Variants in TUBB6 observed in about 807,000 individuals in gnomAD.
The protein encoded by TUBB6 is tubulin beta-6 chain.
A neutral mutation model predicts 32.3 loss-of-function variants in TUBB6; 18 were observed. The observed-to-expected ratio is 0.56, with a 90% CI of 0.39 to 0.83. TUBB6 has a LOEUF of 0.83. TUBB6 is among the 40% of genes least tolerant of loss of function. The pLI, the probability that TUBB6 is intolerant of heterozygous loss-of-function variation, is 0.00. For synonymous variants in TUBB6, 280 were observed against 265.8 expected, an observed-to-expected ratio of 1.05 and a Z score of -0.52; for missense variants, 480 against 632.0, an observed-to-expected ratio of 0.76 and a Z score of 2.58.
chr18:12,326,699 C>T (rs1022569141), downstream of TUBB6: 1 of 154,512 alleles, frequency 6.5e-6, no homozygotes, highest in African/African-American at 2.4e-5. Context: ...GGAAAGGGCT[C>T]TTCTTTAAAT....
In TUBB6 at chr18:12,311,073, C is replaced by T. The variant is rs777456585; in HGVS notation, c.277+20C>T. ...TCTTTGGTAGGTTCCATCTTTCTCACTTTCTTCTTCTTCTTTTATTTTTTT... is the reference window on the plus strand; with the variant it reads ...TCTTTGGTAGGTTCCATCTTTCTCATTTTCTTCTTCTTCTTTTATTTTTTT... On this transcript the variant is annotated intron_variant, in intron 3 of 3. Transcript: ENST00000317702. 1.9e-6 allele frequency: 3 copies of T among 1,551,384 alleles called. No individual in the cohort carries two copies. In the South Asian group the frequency reaches 3.4e-5, roughly 18 times the overall value.
chr18:12,325,686 G>C lies in TUBB6; in HGVS notation c.897G>C (p.Met299Ile). 1 of 1,614,116 alleles carries C rather than the reference G, an allele frequency of 6.2e-7. No individual in the cohort carries two copies. The highest frequency in any genetic ancestry group is 8.5e-7 in the Non-Finnish European group (1 of 1,180,042). ...AGCAGATGTTCGACGCCAGGAACAT[G>C]ATGGCCGCCTGCGATCCGCGCCATG... The part of the protein sequence containing the change: ...LTQQMFDARN[M>I]MAACDPRHGR... The change falls in exon 4 of 4, where the codon ATG becomes ATC. Residue 299 changes from methionine to isoleucine, a missense_variant. Met to Ile is a conservative substitution (Grantham distance 10, BLOSUM62 1). Coordinates refer to ENST00000317702, the MANE Select transcript of TUBB6 (RefSeq NM_032525.3).
At chr18:12,313,805 G>A (rs1906519252) in intron 3 of TUBB6, among the ~76,000 whole-genome samples, 1 of 152,200 alleles carries the variant, frequency 6.6e-6, no homozygotes, top group Non-Finnish European at 1.5e-5. Context: ...AATCTGTTCT[G>A]CAGAAATGCT....
In TUBB6 at chr18:12,325,604, C is replaced by T. The variant is rs1907256978; in HGVS notation, c.815C>T (p.Pro272Leu). ...RLHFFMPGFA[P>L]LTSRGSQQYR... ...CACTTCTTCATGCCTGGCTTCGCGC[C>T]GCTCACCAGCCGCGGCAGCCAGCAG... The change falls in exon 4 of 4, where the codon CCG becomes CTG. Residue 272 changes from proline to leucine, a missense_variant. Pro to Leu is a moderately conservative substitution (Grantham distance 98). Coordinates refer to ENST00000317702, the MANE Select transcript of TUBB6 (RefSeq NM_032525.3). The T allele has an allele frequency of 8.7e-6, 14 of 1,613,812 alleles. No homozygotes were observed. Among genetic ancestry groups the T allele is most frequent in the Non-Finnish European group, 1.2e-5 (14 of 1,179,950 alleles).
chr18:12,318,097 G>A (rs1906768672), intron 3 of TUBB6, among the ~76,000 whole-genome samples: 1 of 152,026 alleles, frequency 6.6e-6, no homozygotes, highest in African/African-American at 2.4e-5. Flanking sequence ...TCAGTTGTTG[G>A]TTTCTGCTAT....
chr18:12,310,132 G>A (rs1312954033), intron 2 of TUBB6, among the ~76,000 whole-genome samples: 1 of 152,136 alleles, frequency 6.6e-6, no homozygotes, highest in Non-Finnish European at 1.5e-5. Flanking sequence ...GCCAGGTCAT[G>A]CCTGGACTCG....
At chr18:12,312,549 A>G (rs2144133242) in intron 3 of TUBB6, among the ~76,000 whole-genome samples, 1 of 152,324 alleles carries the variant, frequency 6.6e-6, no homozygotes, top group Middle Eastern at 3.4e-3. Flanking sequence ...CTAGTACAAA[A>G]TAAGTGTTTG....
chr18:12,325,015 T>G (rs753879455), intron 3 of TUBB6, 52 bp from the exon 4 acceptor site: 3 of 1,525,132 alleles, frequency 2.0e-6, no homozygotes, highest in African/African-American at 2.8e-5. Flanking sequence ...CCAAGCATGG[T>G]GATGGCGCAG....
chr18:12,326,316 G>A lies in TUBB6; in HGVS notation c.*186G>A, dbSNP rs1258339569. The A allele has an allele frequency of 1.1e-5, 10 of 902,810 alleles. No individual in the cohort carries two copies. The highest frequency in any genetic ancestry group is 8.1e-5 in the East Asian group (3 of 36,844). 55.9% of individuals were successfully genotyped at this position (902,810 alleles called of 1,614,324 possible). A position where few individuals can be genotyped will look rare whatever the true frequency, so the allele number is the denominator to read the frequency against. On this transcript the variant is annotated 3_prime_UTR_variant, in exon 4 of 4. Transcript: ENST00000317702. Reference sequence around the variant, plus strand: ...AAGACTAAAAACAGCAGAGAATTGCGGGTTCTACCCAGTCAGAAGATCACA... The same window carrying A: ...AAGACTAAAAACAGCAGAGAATTGCAGGTTCTACCCAGTCAGAAGATCACA...
intron 3 of TUBB6, 94 bp downstream of exon 3, chr18:12,311,147 A>G: frequency 8.9e-7 from 1 of 1,122,234 alleles, no homozygotes; most frequent in Non-Finnish European, 1.3e-6. Flanking sequence ...TGTCATAGAA[A>G]AAGTGTGAAT....
chr18:12,312,953 C>G (rs996536889), intron 3 of TUBB6, among the ~76,000 whole-genome samples: 1 of 140,898 alleles, frequency 7.1e-6, no homozygotes, highest in African/African-American at 2.8e-5. Context: ...GAACCAAGAT[C>G]GCACCATTGC....
chr18:12,316,920 A>T (rs2144144532), intron 3 of TUBB6, among the ~76,000 whole-genome samples: 1 of 152,316 alleles, frequency 6.6e-6, no homozygotes, highest in Non-Finnish European at 1.5e-5. Flanking sequence ...GCACTTTGGG[A>T]GGCGCAGACA....
chr18:12,329,824 A>G (rs933504920), downstream of TUBB6: 3 of 1,532,574 alleles, frequency 2.0e-6, no homozygotes, highest in Non-Finnish European at 2.7e-6. Context: ...GTTACTCAGC[A>G]AAGTCTATTC....
rs1455854426 is a variant in TUBB6, at chr18:12,308,611, C to A, written c.58-76C>A. 6 of 1,159,672 alleles carry A rather than the reference C, an allele frequency of 5.2e-6. No homozygotes were observed. The Admixed American group carries it at 7.5e-5, about 14-fold the overall frequency. The allele number at this position is 1,159,672 out of a possible 1,614,324, so 71.8% of individuals were successfully genotyped here. A position where few individuals can be genotyped will look rare whatever the true frequency, so the allele number is the denominator to read the frequency against. The stretch of plus-strand genomic sequence containing the variant: ...CGCCTGGAATTCGGCCGCCGGGGCG[C>A]CTGGGGTGGGCGCGGGTGGCGGCGT... On this transcript the variant is annotated intron_variant, in intron 1 of 3. Transcript: ENST00000317702.
Position 12,325,955 on chromosome 18 carries a change from T to G in TUBB6, c.1166T>G (p.Phe389Cys), listed in dbSNP as rs1249093282. Reference sequence around the variant, plus strand: ...ATCTCCGAGCAGTTCTCAGCCATGTTCCGGCGCAAGGCCTTCCTGCACTGG... The same window carrying G: ...ATCTCCGAGCAGTTCTCAGCCATGTGCCGGCGCAAGGCCTTCCTGCACTGG... ...KRISEQFSAMFRRKAFLHWFT... is the reference protein window; with the variant it reads ...KRISEQFSAMCRRKAFLHWFT... The change falls in exon 4 of 4, where the codon TTC becomes TGC. Residue 389 changes from phenylalanine (F) to cysteine (C), a missense_variant. Transcript: ENST00000317702. 6.2e-7 allele frequency: 1 copy of G among 1,614,108 alleles called. No homozygotes were observed. The highest frequency in any genetic ancestry group is 1.3e-5 in the African/African-American group (1 of 75,074).
At chr18:12,309,154 C>A (rs1170134445) in intron 2 of TUBB6, among the ~76,000 whole-genome samples, 1 of 151,988 alleles carries the variant, frequency 6.6e-6, no homozygotes, top group Non-Finnish European at 1.5e-5. Context: ...AGTTCAGGAC[C>A]AGCCTGGGCA....
rs776288663 is a variant in TUBB6 at position 12,325,599 on chromosome 18, C to T, written c.810C>T (p.Phe270=). Residue 270 remains phenylalanine (F), a synonymous_variant, in exon 4 of 4, where the codon TTC becomes TTT. Transcript: ENST00000317702. ...GCCTGCACTTCTTCATGCCTGGCTT[C>T]GCGCCGCTCACCAGCCGCGGCAGCC... ...FPRLHFFMPG[F]APLTSRGSQQ... is the part of the protein sequence containing the mutation. The T allele has an allele frequency of 4.3e-6, 7 of 1,613,846 alleles. No homozygotes were observed. The highest frequency in any genetic ancestry group is 1.7e-4 in the Middle Eastern group (1 of 6,052).
At chr18:12,323,913 C>A (rs1243329343) in intron 3 of TUBB6, among the ~76,000 whole-genome samples, 1 of 152,132 alleles carries the variant, frequency 6.6e-6, no homozygotes, top group Non-Finnish European at 1.5e-5. Context: ...AGCTCCTTTT[C>A]TCAACTGGCC....
intron 3 of TUBB6, among the ~76,000 whole-genome samples, chr18:12,321,332 C>T (rs145514279): frequency 6.6e-6 from 1 of 152,278 alleles, no homozygotes; most frequent in Non-Finnish European, 1.5e-5. Context: ...CTGATAAATG[C>T]TTCATCCCCC....
Sources: gnomAD v4.1 joint callset for allele counts (sites outside exome capture counted in the v4.1 genomes callset) on GRCh38, gnomAD v4.1.1 for gene constraint, MANE v1.5 for transcripts, NCBI Gene and HGNC (gene_info 2026-07-23, HGNC 2026-07-21) for gene names.